The following SLC25A48 variants were observed in gnomAD, a reference collection of about 807,000 sequenced individuals.
SLC25A48 encodes the protein CTC-321K16.1.
SLC25A48 carries 29 observed loss-of-function variants against 32.2 expected under a neutral mutation model. The ratio of observed to expected loss-of-function variants is 0.90; its 90% CI spans 0.67 to 1.23. SLC25A48 has a LOEUF of 1.23. Among genes scored for constraint, SLC25A48 ranks in the 50% most tolerant of loss-of-function variants. The pLI is 0.00. For synonymous variants in SLC25A48, 164 were observed against 172.3 expected (o/e 0.95, Z 0.38); for missense variants, 399 against 422.7 (o/e 0.94, Z 0.49).
chr5:135,691,260 A>T (rs1167635824), intron 3 of SLC25A48, among the ~76,000 whole-genome samples: 1 of 152,226 alleles, frequency 6.6e-6, no homozygotes, highest in East Asian at 1.9e-4. Flanking sequence ...TTACTCACAG[A>T]TAGACCTGCT....
intron 4 of SLC25A48, among the ~76,000 whole-genome samples, chr5:135,860,938 C>T (rs1219576395): frequency 6.6e-6 from 1 of 152,108 alleles, no homozygotes; most frequent in East Asian, 1.9e-4. Context: ...GAGGTGAGAG[C>T]CCAGCTCAGG....
chr5:135,598,823 A>G (rs192052186), intron 1 of SLC25A48, among the ~76,000 whole-genome samples: 58 of 152,318 alleles, frequency 3.8e-4, no homozygotes, highest in East Asian at 1.9e-3. Context: ...AATGGAGGAC[A>G]TAGAGGCATC....
At chr5:135,616,808 G>A (rs887574243) in intron 1 of SLC25A48, among the ~76,000 whole-genome samples, 7 of 152,104 alleles carry the variant, frequency 4.6e-5, no homozygotes, top group Non-Finnish European at 1.0e-4. Context: ...GTGGGAGAAC[G>A]AACTAATACA....
intron 3 of SLC25A48, among the ~76,000 whole-genome samples, chr5:135,706,769 C>T (rs1252844586): frequency 1.3e-5 from 2 of 152,186 alleles, no homozygotes; most frequent in African/African-American, 2.4e-5. Context: ...AGACAGGTCT[C>T]ATCTCCCCGA....
chr5:135,751,718 C>T (rs1755775039), intron 3 of SLC25A48, among the ~76,000 whole-genome samples: 1 of 152,130 alleles, frequency 6.6e-6, no homozygotes, highest in African/African-American at 2.4e-5. Flanking sequence ...CCTGTAGTCC[C>T]AGCTACTTGG....
At chr5:135,873,812 G>A (rs561444903) in intron 5 of SLC25A48, among the ~76,000 whole-genome samples, 88 of 152,304 alleles carry the variant, frequency 5.8e-4, no homozygotes, top group African/African-American at 2.1e-3. Context: ...CAGATGAGAA[G>A]CCCAAGGCTT....
chr5:135,799,678 C>T (rs529428004), intron 3 of SLC25A48, among the ~76,000 whole-genome samples: 3 of 151,736 alleles, frequency 2.0e-5, no homozygotes, highest in South Asian at 2.1e-4. Context: ...CTCCCAATAT[C>T]GCAAAGGGTG....
chr5:135,853,103 G>C (rs1172780512), intron 4 of SLC25A48, among the ~76,000 whole-genome samples: 1 of 152,168 alleles, frequency 6.6e-6, no homozygotes, highest in Non-Finnish European at 1.5e-5. Flanking sequence ...ATGGCATTAT[G>C]TTTTAAATAA....
intron 4 of SLC25A48, among the ~76,000 whole-genome samples, chr5:135,862,794 G>A (rs1760903651): frequency 6.6e-6 from 1 of 152,190 alleles, no homozygotes; most frequent in Non-Finnish European, 1.5e-5. Flanking sequence ...GTGGGACAAG[G>A]GAGCCTTTGG....
At chr5:135,789,452 A>G (rs1396460932) in intron 3 of SLC25A48, among the ~76,000 whole-genome samples, 1 of 151,274 alleles carries the variant, frequency 6.6e-6, no homozygotes, top group Non-Finnish European at 1.5e-5. Context: ...TGTAATATCT[A>G]GCCAGGGAGA....
intron 1 of SLC25A48, among the ~76,000 whole-genome samples, chr5:135,841,876 A>G (rs1403827093): frequency 6.6e-6 from 1 of 152,200 alleles, no homozygotes; most frequent in African/African-American, 2.4e-5. Flanking sequence ...GCATGCAGGA[A>G]GAGGCAGGTC....
At chr5:135,702,734 C>T (rs888566915) in intron 3 of SLC25A48, among the ~76,000 whole-genome samples, 7 of 152,228 alleles carry the variant, frequency 4.6e-5, no homozygotes, top group African/African-American at 7.2e-5. Context: ...AGTACCAAAG[C>T]CAGGAAGCCT....
chr5:135,608,278 T>C (rs1260922286), intron 1 of SLC25A48, among the ~76,000 whole-genome samples: 2 of 152,214 alleles, frequency 1.3e-5, no homozygotes, highest in African/African-American at 4.8e-5. Context: ...TTTCTTCCTA[T>C]AGAGGACATG....
chr5:135,712,832 T>C (rs1436243180), intron 3 of SLC25A48, among the ~76,000 whole-genome samples: 2 of 152,198 alleles, frequency 1.3e-5, no homozygotes, highest in Admixed American at 6.5e-5. Flanking sequence ...TGTTCCCTTC[T>C]TCAGACTCCG....
At chr5:135,765,297 G>C (rs34663543) in intron 3 of SLC25A48, among the ~76,000 whole-genome samples, 1 of 150,644 alleles carries the variant, frequency 6.6e-6, no homozygotes, top group Non-Finnish European at 1.5e-5. Flanking sequence ...TCAGGGGTAA[G>C]AGGGTAATGT....
chr5:135,882,645 G>C (rs1365478614), intron 7 of SLC25A48, among the ~76,000 whole-genome samples: 1 of 152,150 alleles, frequency 6.6e-6, no homozygotes, highest in African/African-American at 2.4e-5. Context: ...CATGCGGGAA[G>C]ATCAGTGACC....
chr5:135,848,656 T>C (rs949191328), intron 2 of SLC25A48, among the ~76,000 whole-genome samples: 3 of 152,224 alleles, frequency 2.0e-5, no homozygotes, highest in African/African-American at 7.2e-5. Flanking sequence ...TCCACTAGGT[T>C]GTAAGTTCCA....
chr5:135,746,997 G>GTTTTTTTTTTTTTT (rs71583237), intron 3 of SLC25A48, among the ~76,000 whole-genome samples: 1 of 148,960 alleles, frequency 6.7e-6, no homozygotes, highest in Non-Finnish European at 1.5e-5. Context: ...ATTTTTTGTT[G>GTTTTTTTTTTTTTT]TTGTTTTTTT....
chr5:135,586,615 G>A (rs1296002989), intron 1 of SLC25A48, among the ~76,000 whole-genome samples: 1 of 152,148 alleles, frequency 6.6e-6, no homozygotes, highest in African/African-American at 2.4e-5. Flanking sequence ...AGGGCACAGT[G>A]GGCATTCGTG....
Sources: gnomAD v4.1 joint callset for allele counts (sites outside exome capture counted in the v4.1 genomes callset) on GRCh38, gnomAD v4.1.1 for gene constraint, MANE v1.5 for transcripts, NCBI Gene and HGNC (gene_info 2026-07-23, HGNC 2026-07-21) for gene names.